Variants in ZFAND4 observed in about 807,000 individuals in gnomAD.
ZFAND4 encodes the protein AN1-type zinc finger protein 4.
In ZFAND4, 43 loss-of-function variants were observed where a neutral mutation model predicts 64.4. The observed-to-expected ratio is 0.67, with a 90% CI of 0.52 to 0.86. The LOEUF (loss-of-function observed/expected upper bound fraction) is 0.86, where lower values mean the gene tolerates loss of function less well. ZFAND4 is among the 40% of genes least tolerant of loss of function. The pLI is 0.00. For missense variants in ZFAND4, 929 were observed against 859.8 expected (o/e 1.08, Z -1.01); for synonymous variants, 296 against 305.7 (o/e 0.97, Z 0.33).
intron 5 of ZFAND4, among the ~76,000 whole-genome samples, chr10:45,641,637 GACAGCC>G (rs1828413816): frequency 6.6e-6 from 1 of 152,144 alleles, no homozygotes; most frequent in Admixed American, 6.5e-5. Flanking sequence ...CTTGACTTGT[GACAGCC>G]ACAGTTACCT....
At chr10:45,641,315 C>T (rs943156888) in intron 5 of ZFAND4, among the ~76,000 whole-genome samples, 10 of 152,134 alleles carry the variant, frequency 6.6e-5, no homozygotes, top group African/African-American at 2.2e-4. Flanking sequence ...ATATTAGTTT[C>T]TATGCAGATT....
chr10:45,657,872 T>TA (rs2048235191), intron 2 of ZFAND4, among the ~76,000 whole-genome samples: 1 of 152,130 alleles, frequency 6.6e-6, no homozygotes, highest in Non-Finnish European at 1.5e-5. Flanking sequence ...TATAAAATTC[T>TA]AAAAAAGGCA....
chr10:45,627,259 T>G (rs1287252980), intron 6 of ZFAND4, among the ~76,000 whole-genome samples, 154 bp from the exon 7 acceptor site: 2 of 152,220 alleles, frequency 1.3e-5, no homozygotes, highest in African/African-American at 4.8e-5. Context: ...CTTAAGATTA[T>G]GACAGAGAAG....
chr10:45,638,355 G>T (rs112081837), intron 6 of ZFAND4, among the ~76,000 whole-genome samples: 1 of 150,806 alleles, frequency 6.6e-6, no homozygotes, highest in Non-Finnish European at 1.5e-5. Context: ...TTAGCCCGGC[G>T]TAGTGGCGGG....
chr10:45,626,988 A>G lies in ZFAND4; in HGVS notation c.835T>C (p.Cys279Arg). ...TATGCATTCCCAAAAGCAGGTGAACAAGATTGACCAATGTTGGGGAGGACC... is the reference window on the plus strand; with the variant it reads ...TATGCATTCCCAAAAGCAGGTGAACGAGATTGACCAATGTTGGGGAGGACC... ...LRVLPNIGQS[C>R]SPAFGNAYPP... The change falls in exon 7 of 10, where the codon TGT becomes CGT. Residue 279 changes from cysteine to arginine, a missense_variant. By Grantham distance (180) the Cys-to-Arg change is radical. Transcript: ENST00000344646. 2 of 1,613,960 alleles carry G rather than the reference A, an allele frequency of 1.2e-6. No individual in the cohort carries two copies. The highest frequency in any genetic ancestry group is 8.5e-7 in the Non-Finnish European group (1 of 1,179,880).
intron 5 of ZFAND4, among the ~76,000 whole-genome samples, chr10:45,643,256 C>T (rs1289490449): frequency 6.6e-6 from 1 of 151,770 alleles, no homozygotes; most frequent in Admixed American, 6.6e-5. Context: ...TTAAAGGATA[C>T]AAGATAGGCA....
intron 5 of ZFAND4, 43 bp from the exon 6 acceptor site, chr10:45,640,006 G>A: frequency 6.4e-7 from 1 of 1,567,482 alleles, no homozygotes; most frequent in South Asian, 1.2e-5. Context: ...TCTGATACCT[G>A]CTCAGTGACT....
intron 2 of ZFAND4, among the ~76,000 whole-genome samples, chr10:45,655,101 G>A (rs1310549426): frequency 3.3e-5 from 5 of 152,084 alleles, no homozygotes; most frequent in African/African-American, 7.2e-5. Flanking sequence ...CATATGAGAA[G>A]CCACAAAAAA....
intron 2 of ZFAND4, among the ~76,000 whole-genome samples, chr10:45,659,764 G>C (rs1211726711): frequency 6.6e-6 from 1 of 152,074 alleles, no homozygotes; most frequent in Non-Finnish European, 1.5e-5. Flanking sequence ...AATACAAGCA[G>C]AGATGGAAAC....
At chr10:45,634,253 G>A (rs979642975) in intron 6 of ZFAND4, among the ~76,000 whole-genome samples, 11 of 152,062 alleles carry the variant, frequency 7.2e-5, no homozygotes, top group Non-Finnish European at 1.2e-4. Context: ...AGCCAGGCGC[G>A]GTGGCTCATG....
At position 45,626,914 on chromosome 10, in the gene ZFAND4, G is replaced by C. The variant is rs753161708; in HGVS notation, c.909C>G (p.Leu303=). ...RNGISSLATQ[L]SAERYISSIT... ...TAGAAGATATGTATCTCTCAGCAGA[G>C]AGTTGAGTTGCCAAACTTGAAATTC... is the stretch of plus-strand genomic sequence containing the variant. Residue 303 remains leucine, a synonymous_variant, in exon 7 of 10, where the codon CTC becomes CTG. Transcript: ENST00000344646. 6 of 1,614,216 alleles carry C rather than the reference G, an allele frequency of 3.7e-6. No homozygotes were observed. In the South Asian group the frequency reaches 5.5e-5, roughly 15 times the overall value.
chr10:45,632,797 T>C (rs1296401829), intron 6 of ZFAND4, among the ~76,000 whole-genome samples: 1 of 152,150 alleles, frequency 6.6e-6, no homozygotes, highest in African/African-American at 2.4e-5. Flanking sequence ...TCAATAAATA[T>C]AAACGTGATT....
At chr10:45,618,105 G>A (rs777712959) in intron 9 of ZFAND4, 35 bp downstream of exon 9, 6 of 1,586,414 alleles carry the variant, frequency 3.8e-6, no homozygotes, top group East Asian at 2.3e-5. Context: ...TTATCACAGA[G>A]AAAGCATCTG....
At chr10:45,618,344 C>A in intron 8 of ZFAND4, 84 bp from the exon 9 acceptor site, 1 of 1,487,868 alleles carries the variant, frequency 6.7e-7, no homozygotes, top group African/African-American at 1.4e-5. Flanking sequence ...AAAACATAGT[C>A]CTATCAAAGT....
intron 2 of ZFAND4, among the ~76,000 whole-genome samples, chr10:45,660,761 G>A (rs921159300): frequency 1.3e-5 from 2 of 152,074 alleles, no homozygotes; most frequent in African/African-American, 4.8e-5. Context: ...AAAGACTAGA[G>A]TGAAATATTT....
intron 6 of ZFAND4, among the ~76,000 whole-genome samples, chr10:45,633,100 AACT>A (rs755609319): frequency 6.6e-6 from 1 of 152,146 alleles, no homozygotes; most frequent in Non-Finnish European, 1.5e-5. Flanking sequence ...CAAATTACAC[AACT>A]ACCACTTTCT....
chr10:45,662,029 T>C (rs1030295896), intron 2 of ZFAND4, among the ~76,000 whole-genome samples: 1 of 151,984 alleles, frequency 6.6e-6, no homozygotes, highest in Non-Finnish European at 1.5e-5. Context: ...CACCAGAACC[T>C]GCCCATGCTG....
At chr10:45,621,971 G>A (rs2045462296) in intron 8 of ZFAND4, among the ~76,000 whole-genome samples, 1 of 152,202 alleles carries the variant, frequency 6.6e-6, no homozygotes, top group Non-Finnish European at 1.5e-5. Context: ...GCAGTGAGAC[G>A]TGAACCAGCA....
intron 1 of ZFAND4, among the ~76,000 whole-genome samples, chr10:45,670,987 G>GA (rs1249110405): frequency 6.6e-6 from 1 of 151,894 alleles, no homozygotes; most frequent in Non-Finnish European, 1.5e-5. Context: ...AAATTTTCAA[G>GA]AAAAAAACAA....
Sources: gnomAD v4.1 joint callset for allele counts (sites outside exome capture counted in the v4.1 genomes callset) on GRCh38, gnomAD v4.1.1 for gene constraint, MANE v1.5 for transcripts, NCBI Gene and HGNC (gene_info 2026-07-23, HGNC 2026-07-21) for gene names.